Variants in SAXO1 observed in about 807,000 individuals in gnomAD.
SAXO1 encodes the protein stabilizer of axonemal microtubules 1.
SAXO1 carries 21 observed loss-of-function variants against 17.5 expected under a neutral mutation model. That is an observed-to-expected ratio of 1.20 (90% CI 0.85 to 1.72). The LOEUF is 1.72. Ranked by LOEUF, SAXO1 falls within the 40% of genes most tolerant of loss-of-function variation. The pLI is 0.00. For synonymous variants in SAXO1, 274 were observed against 216.5 expected (o/e 1.27, Z -2.33); for missense variants, 843 against 596.0 (o/e 1.41, Z -4.32).
intron 1 of SAXO1, among the ~76,000 whole-genome samples, chr9:18,979,757 CT>C (rs1259418280): frequency 6.6e-6 from 1 of 152,242 alleles, no homozygotes; most frequent in Non-Finnish European, 1.5e-5. Context: ...AGGAGGATCA[CT>C]TGAGCCTAGA....
intron 1 of SAXO1, among the ~76,000 whole-genome samples, chr9:19,040,508 G>C (rs1363315443): frequency 6.6e-6 from 1 of 151,970 alleles, no homozygotes; most frequent in African/African-American, 2.4e-5. Context: ...GCCAAGCATA[G>C]TGGCACGCAC....
intron 1 of SAXO1, among the ~76,000 whole-genome samples, chr9:18,979,443 A>G (rs1932445): frequency 0.77 from 117,013 of 152,134 alleles, 45,199 homozygotes; most frequent in African/African-American, 0.81. Flanking sequence ...TGACTGGACA[A>G]TGGTGAATGG....
chr9:18,975,709 G>A (rs537926240), intron 1 of SAXO1, among the ~76,000 whole-genome samples: 1 of 152,308 alleles, frequency 6.6e-6, no homozygotes, highest in South Asian at 2.1e-4. Flanking sequence ...ACCATACAAA[G>A]TCAGATTTGG....
At chr9:19,036,602 C>G (rs573416554), upstream of SAXO1, among the ~76,000 whole-genome samples, 132 of 152,304 alleles carry the variant, frequency 8.7e-4, 1 homozygote, top group Admixed American at 8.6e-3. Context: ...AGCCCCAAGC[C>G]TTGGCAGCTT....
intron 3 of SAXO1, among the ~76,000 whole-genome samples, chr9:18,939,804 T>C (rs1006035031): frequency 6.6e-6 from 1 of 152,208 alleles, no homozygotes; most frequent in Non-Finnish European, 1.5e-5. Context: ...TATCGTTTGA[T>C]AAAATGATAT....
chr9:18,928,398 T>TG lies in SAXO1; in HGVS notation c.1078dup (p.Gln360ProfsTer31), dbSNP rs1830869788. On this transcript the variant is annotated frameshift_variant, in exon 4 of 4. Transcript: ENST00000380534. LOFTEE classifies it low-confidence loss of function (END_TRUNC). Reference sequence around the variant, plus strand: ...CAGGGGCTCGGTGGGCAAGTCCAGCTGGGGAACGGGCTTGACTGGCTCTGT... The same window carrying TG: ...CAGGGGCTCGGTGGGCAAGTCCAGCTGGGGGAACGGGCTTGACTGGCTCTGT... The TG allele has an allele frequency of 1.2e-6, 2 of 1,610,902 alleles. No homozygotes were observed. The highest frequency in any genetic ancestry group is 1.7e-6 in the Non-Finnish European group (2 of 1,178,428).
At chr9:18,934,291 T>C (rs891728204) in intron 3 of SAXO1, among the ~76,000 whole-genome samples, 1 of 148,472 alleles carries the variant, frequency 6.7e-6, no homozygotes, top group Admixed American at 6.6e-5. Flanking sequence ...TCTTCTCCTT[T>C]TGGGGCCATG....
chr9:18,968,430 G>A (rs534889741), intron 1 of SAXO1, among the ~76,000 whole-genome samples: 3 of 152,288 alleles, frequency 2.0e-5, no homozygotes, highest in African/African-American at 7.2e-5. Context: ...CTAAGTGACA[G>A]ATACGTAGCC....
At chr9:18,999,966 A>G (rs1414733928) in intron 1 of SAXO1, among the ~76,000 whole-genome samples, 5 of 90,738 alleles carry the variant, frequency 5.5e-5, no homozygotes, top group Non-Finnish European at 6.6e-5. Context: ...GCCTCTACCC[A>G]GCCGCCCCAC....
At chr9:19,038,264 C>T (rs574071471) in intron 1 of SAXO1, among the ~76,000 whole-genome samples, 3 of 152,062 alleles carry the variant, frequency 2.0e-5, no homozygotes, top group Non-Finnish European at 4.4e-5. Flanking sequence ...TGGGTATATA[C>T]CCAAAGGACT....
intron 1 of SAXO1, among the ~76,000 whole-genome samples, chr9:18,987,959 T>C (rs1399674880): frequency 2.6e-5 from 4 of 151,714 alleles, no homozygotes; most frequent in African/African-American, 9.7e-5. Flanking sequence ...TCTTCATAAC[T>C]GATGACTGAA....
At chr9:18,939,570 C>T (rs1368704641) in intron 3 of SAXO1, among the ~76,000 whole-genome samples, 10 of 152,178 alleles carry the variant, frequency 6.6e-5, no homozygotes, top group African/African-American at 2.4e-4. Context: ...ATTAAGGAAG[C>T]AGAAGGATTC....
At chr9:19,046,521 G>T (rs1479785652) in intron 1 of SAXO1, among the ~76,000 whole-genome samples, 2 of 151,598 alleles carry the variant, frequency 1.3e-5, no homozygotes, top group African/African-American at 2.4e-5. Context: ...CATGGAGAAA[G>T]GAGAAACCCC....
chr9:19,032,677 A>G (rs1588567780), intron 1 of SAXO1, among the ~76,000 whole-genome samples, 194 bp downstream of exon 1: 1 of 152,234 alleles, frequency 6.6e-6, no homozygotes. Context: ...AGGCCCGAAA[A>G]CAGCCACATT....
intron 3 of SAXO1, among the ~76,000 whole-genome samples, chr9:18,935,452 T>C (rs1831243400): frequency 1.3e-5 from 2 of 152,148 alleles, no homozygotes; most frequent in Non-Finnish European, 2.9e-5. Flanking sequence ...TGATTAGGGA[T>C]GATAAGTTGA....
At chr9:18,947,026 G>A (rs78159847) in intron 2 of SAXO1, among the ~76,000 whole-genome samples, 1 of 128,434 alleles carries the variant, frequency 7.8e-6, no homozygotes, top group Non-Finnish European at 1.6e-5. Flanking sequence ...ATTACTTGAA[G>A]AAATAATGGC....
rs542552415 is a variant in SAXO1, at chr9:18,974,100, T to C, written c.39-23163A>G. 3.3e-5 allele frequency among the ~76,000 whole-genome samples: 5 copies of C among 152,084 alleles called. No homozygotes were observed. In the East Asian group the frequency reaches 5.8e-4, roughly 18 times the overall value. The stretch of plus-strand genomic sequence containing the variant: ...GGCCAAGGAAGCAGACAGTAAGGGG[T>C]TGTAGGTACAATGGGGCAGGAGAGG... On this transcript the variant is annotated intron_variant, in intron 1 of 3. Transcript: ENST00000380534.
At chr9:18,992,944 G>GT (rs1390884922) in intron 1 of SAXO1, among the ~76,000 whole-genome samples, 2 of 151,906 alleles carry the variant, frequency 1.3e-5, no homozygotes, top group Non-Finnish European at 2.9e-5. Flanking sequence ...AGGATTACAA[G>GT]CATGCACCAC....
At chr9:19,008,506 G>A (rs1224025995) in intron 1 of SAXO1, among the ~76,000 whole-genome samples, 2 of 152,126 alleles carry the variant, frequency 1.3e-5, no homozygotes, top group East Asian at 1.9e-4. Flanking sequence ...TGAAGCCCAT[G>A]GTAAGAAATT....
Sources: gnomAD v4.1 joint callset for allele counts (sites outside exome capture counted in the v4.1 genomes callset) on GRCh38, gnomAD v4.1.1 for gene constraint, MANE v1.5 for transcripts, NCBI Gene and HGNC (gene_info 2026-07-23, HGNC 2026-07-21) for gene names.